RAB3C: variants seen among roughly 807,000 people sequenced by gnomAD.
The protein encoded by RAB3C is ras-related protein Rab-3C.
RAB3C carries 17 observed loss-of-function variants against 26.4 expected under a neutral mutation model. The observed-to-expected ratio is 0.64, with a 90% confidence interval of 0.44 to 0.97. The LOEUF (loss-of-function observed/expected upper bound fraction) is 0.97. RAB3C is among the 50% of genes least tolerant of loss of function. The probability of loss-of-function intolerance (pLI) is 0.00; values close to 1 mark genes in which losing one functional copy is unlikely to be tolerated. For missense variants in RAB3C, 242 were observed against 281.9 expected (o/e 0.86, Z 1.01); for synonymous variants, 91 against 95.9 (o/e 0.95, Z 0.30).
In RAB3C at chr5:58,855,883, A is replaced by T. The variant is rs912863385; in HGVS notation, c.*4532A>T. The T allele has an allele frequency of 6.6e-6, 1 of 152,226 alleles. No individual in the cohort carries two copies. The highest frequency in any genetic ancestry group is 2.4e-5 in the African/African-American group (1 of 41,456). 9.4% of individuals were successfully genotyped at this position (152,226 alleles called of 1,614,324 possible). On this transcript the variant is annotated 3_prime_UTR_variant, in exon 5 of 5. Transcript: ENST00000282878. ...AAAAACCAAGTTGGGGGATTTATCT[A>T]AAATGTATCTACCTATTGTTACTGG...
At chr5:58,716,342 G>T (rs772056100) in intron 2 of RAB3C, among the ~76,000 whole-genome samples, 15 of 152,030 alleles carry the variant, frequency 9.9e-5, no homozygotes, top group Non-Finnish European at 2.1e-4. Flanking sequence ...AAAGCGAGAT[G>T]ATAACATCAA....
At chr5:58,713,477 T>C (rs1749105212) in intron 2 of RAB3C, among the ~76,000 whole-genome samples, 1 of 152,206 alleles carries the variant, frequency 6.6e-6, no homozygotes, top group African/African-American at 2.4e-5. Context: ...CAATCACTTT[T>C]CAAAATAGTT....
chr5:58,683,505 A>G (rs1579855785), intron 2 of RAB3C, among the ~76,000 whole-genome samples: 1 of 152,288 alleles, frequency 6.6e-6, no homozygotes, highest in South Asian at 2.1e-4. Context: ...TTGGTTTCCT[A>G]TTGCGGCTAT....
At chr5:58,620,912 G>A (rs1746924146) in intron 2 of RAB3C, among the ~76,000 whole-genome samples, 1 of 151,964 alleles carries the variant, frequency 6.6e-6, no homozygotes, top group Admixed American at 6.6e-5. Flanking sequence ...CTTAAGTATA[G>A]GCATTCCTAT....
chr5:58,789,311 T>C (rs536900970), intron 3 of RAB3C, among the ~76,000 whole-genome samples: 1 of 152,156 alleles, frequency 6.6e-6, no homozygotes, highest in East Asian at 1.9e-4. Flanking sequence ...GCTTGAGATA[T>C]AGTGCGTATA....
At chr5:58,605,504 C>A (rs769151117) in intron 1 of RAB3C, among the ~76,000 whole-genome samples, 3 of 152,086 alleles carry the variant, frequency 2.0e-5, no homozygotes, top group Non-Finnish European at 2.9e-5. Context: ...AGTCACAGGG[C>A]AAATCACTGC....
chr5:58,595,008 T>C (rs1746217825), intron 1 of RAB3C, among the ~76,000 whole-genome samples: 1 of 152,154 alleles, frequency 6.6e-6, no homozygotes, highest in South Asian at 2.1e-4. Flanking sequence ...TTCCTCATTT[T>C]GTGTTCTCCA....
At chr5:58,583,022 T>A (rs564881245), upstream of RAB3C, 112 of 1,422,598 alleles carry the variant, frequency 7.9e-5, no homozygotes, top group East Asian at 1.5e-4. Context: ...CTCCCAGGAG[T>A]GCACGGGGCT....
intron 2 of RAB3C, among the ~76,000 whole-genome samples, chr5:58,686,941 G>A (rs1748456355): frequency 1.3e-5 from 2 of 151,814 alleles, no homozygotes; most frequent in African/African-American, 2.4e-5. Flanking sequence ...TTTGATACAA[G>A]CCCAGTTACC....
intron 3 of RAB3C, among the ~76,000 whole-genome samples, chr5:58,792,665 A>G (rs1053337684): frequency 5.3e-5 from 8 of 152,134 alleles, no homozygotes; most frequent in African/African-American, 1.9e-4. Context: ...GTTTCCCAAC[A>G]ACCCTTCCTA....
chr5:58,666,949 G>C (rs549680592), intron 2 of RAB3C, among the ~76,000 whole-genome samples: 22 of 152,180 alleles, frequency 1.4e-4, no homozygotes, highest in African/African-American at 5.3e-4. Flanking sequence ...ACATTTGAGC[G>C]TTTTGTCCTG....
chr5:58,701,779 G>A (rs1748847033), intron 2 of RAB3C, among the ~76,000 whole-genome samples: 1 of 151,962 alleles, frequency 6.6e-6, no homozygotes, highest in African/African-American at 2.4e-5. Context: ...CTTTTCTTTT[G>A]TTTTCACCTC....
intron 1 of RAB3C, among the ~76,000 whole-genome samples, chr5:58,606,910 G>T (rs778549680): frequency 6.6e-6 from 1 of 152,108 alleles, no homozygotes; most frequent in Non-Finnish European, 1.5e-5. Flanking sequence ...CCATCTGTAG[G>T]TCACAAACAT....
At chr5:58,684,154 C>T (rs1028824387) in intron 2 of RAB3C, among the ~76,000 whole-genome samples, 5 of 152,074 alleles carry the variant, frequency 3.3e-5, no homozygotes, top group East Asian at 1.9e-4. Flanking sequence ...TAAACAATAC[C>T]GTATAACAAC....
At chr5:58,614,606 CT>C (rs549143303) in intron 1 of RAB3C, among the ~76,000 whole-genome samples, 5 of 151,970 alleles carry the variant, frequency 3.3e-5, no homozygotes, top group Non-Finnish European at 5.9e-5. Flanking sequence ...TGTGTCCCTC[CT>C]AGACCCCCTC....
intron 4 of RAB3C, among the ~76,000 whole-genome samples, chr5:58,837,465 AG>A (rs1743774416): frequency 6.6e-6 from 1 of 151,172 alleles, no homozygotes; most frequent in South Asian, 2.1e-4. Context: ...TACAGGCATG[AG>A]CCACCGTGCC....
chr5:58,660,915 T>A (rs1747892094), intron 2 of RAB3C, among the ~76,000 whole-genome samples: 1 of 150,176 alleles, frequency 6.7e-6, no homozygotes, highest in Non-Finnish European at 1.5e-5. Flanking sequence ...AGGACCCATC[T>A]ACCATGGATG....
chr5:58,813,593 TATATATATATATATATA>T (rs1245694621), intron 3 of RAB3C, among the ~76,000 whole-genome samples: 1 of 91,904 alleles, frequency 1.1e-5, no homozygotes, highest in Non-Finnish European at 1.9e-5. Flanking sequence ...TATTTATATT[TATATATATATATATATA>T]TATATATATA....
rs1280192911 is a variant in RAB3C, at chr5:58,597,825, T to C, written c.24+14593T>C. On this transcript the variant is annotated intron_variant, in intron 1 of 4. Coordinates refer to ENST00000282878, the MANE Select transcript of RAB3C (RefSeq NM_138453.4). Reference sequence around the variant, plus strand: ...TAATACATTATATATAAGTATACGATAACATGTAATACATTATATATAAGT... The same window carrying C: ...TAATACATTATATATAAGTATACGACAACATGTAATACATTATATATAAGT... Among the ~76,000 whole-genome samples the C allele has an allele frequency of 8.5e-4, 64 of 74,966 alleles. 2 individuals carry two copies. Among genetic ancestry groups the C allele is most frequent in the African/African-American group, 3.9e-3 (61 of 15,790 alleles). The allele number at this position is 74,966 out of a possible 152,430, so 49.2% of individuals were successfully genotyped here.
Sources: gnomAD v4.1 joint callset for allele counts (sites outside exome capture counted in the v4.1 genomes callset) on GRCh38, gnomAD v4.1.1 for gene constraint, MANE v1.5 for transcripts, NCBI Gene and HGNC (gene_info 2026-07-23, HGNC 2026-07-21) for gene names.